IGSF10: variants seen among roughly 807,000 people sequenced by gnomAD.
IGSF10 encodes the protein calvaria mechanical force protein 608.
A neutral mutation model predicts 128.2 loss-of-function variants in IGSF10; 126 were observed. The observed-to-expected ratio is 0.98, with a 90% CI of 0.85 to 1.14. The LOEUF (loss-of-function observed/expected upper bound fraction) is 1.14. Among genes scored for constraint, IGSF10 ranks in the 50% most tolerant of loss-of-function variants. The pLI is 0.00. For synonymous variants in IGSF10, 1,185 were observed against 1,146.2 expected (o/e 1.03, Z -0.68); for missense variants, 3,295 against 3,149.8 (o/e 1.05, Z -1.10).
the IGSF10 span, among the ~76,000 whole-genome samples, chr3:151,546,154 A>G: frequency 1.3e-5 from 2 of 151,874 alleles, no homozygotes; most frequent in African/African-American, 4.8e-5. Flanking sequence ...AAACAGATCT[A>G]TGACCAGGTC....
chr3:151,480,810 C>T, the IGSF10 span, among the ~76,000 whole-genome samples: 1 of 152,052 alleles, frequency 6.6e-6, no homozygotes, highest in Non-Finnish European at 1.5e-5. Flanking sequence ...ATACCCCACC[C>T]CTGCAGACCC....
rs201261892 is a variant in IGSF10 at position 151,438,583 on chromosome 3, A to T, written c.5978T>A (p.Ile1993Asn). ...VDQQHRVGSW[I>N]HVYPNGSLFI... Reference sequence around the variant, plus strand: ...CAGGGATCCATTAGGGTAGACGTGGATCCAGCTGCCCACTCTAAGGAGAAA... The same window carrying T: ...CAGGGATCCATTAGGGTAGACGTGGTTCCAGCTGCCCACTCTAAGGAGAAA... Residue 1993 changes from isoleucine (I) to asparagine (N), a missense_variant, in exon 8 of 8, where the codon ATC becomes AAC. Ile to Asn is a moderately radical substitution (Grantham distance 149). Transcript: ENST00000282466. The T allele has an allele frequency of 9.9e-6, 16 of 1,612,962 alleles. No individual in the cohort carries two copies. Among genetic ancestry groups the T allele is most frequent in the Non-Finnish European group, 1.4e-5 (16 of 1,179,538 alleles).
the IGSF10 span, among the ~76,000 whole-genome samples, chr3:151,493,006 G>T: frequency 2.6e-5 from 4 of 151,998 alleles, no homozygotes; most frequent in Non-Finnish European, 5.9e-5. Flanking sequence ...AAGTGATCCT[G>T]CCACTTGCCA....
the IGSF10 span, among the ~76,000 whole-genome samples, chr3:151,564,353 C>T: frequency 2.0e-5 from 3 of 151,976 alleles, no homozygotes; most frequent in Non-Finnish European, 4.4e-5. Flanking sequence ...CAATTGGCAG[C>T]TTTGGATCAA....
upstream of IGSF10, among the ~76,000 whole-genome samples, chr3:151,464,411 A>C (rs1177712805): frequency 1.3e-5 from 2 of 152,024 alleles, no homozygotes; most frequent in Non-Finnish European, 2.9e-5. Flanking sequence ...TAGGTCTTTG[A>C]CATTATTTGC....
chr3:151,586,646 T>G, the IGSF10 span, among the ~76,000 whole-genome samples: 2 of 152,230 alleles, frequency 1.3e-5, no homozygotes, highest in East Asian at 3.8e-4. Context: ...AATTGTCATT[T>G]CTGCATATGA....
At chr3:151,508,839 G>A in the IGSF10 span, among the ~76,000 whole-genome samples, 235 of 152,242 alleles carry the variant, frequency 1.5e-3, 4 homozygotes, top group Non-Finnish European at 2.8e-4. Context: ...ATATTTTAAT[G>A]AACGTTATTA....
In IGSF10 at chr3:151,448,138, G is replaced by T; in HGVS notation, c.1843C>A (p.Leu615Ile). The change falls in exon 6 of 8, where the codon CTC (leucine) becomes ATC (isoleucine). Residue 615 changes from leucine to isoleucine, a missense_variant. Coordinates refer to ENST00000282466, the MANE Select transcript of IGSF10 (RefSeq NM_178822.5). ...ISWVIPGNNV[L>I]YQSSRDKKVL... ...TTCTTGTCTCTTGATGACTGATAGA[G>T]CACATTGTTTCCTGGAATAACCCAG... The T allele has an allele frequency of 6.2e-7, 1 of 1,614,142 alleles. No homozygotes were observed. Among genetic ancestry groups the T allele is most frequent in the Non-Finnish European group, 8.5e-7 (1 of 1,179,986 alleles).
the IGSF10 span, among the ~76,000 whole-genome samples, chr3:151,510,425 A>T: frequency 1.3e-5 from 2 of 152,174 alleles, no homozygotes; most frequent in African/African-American, 2.4e-5. Context: ...TAGAAGGAAA[A>T]CTAACAAACA....
chr3:151,616,862 T>C, the IGSF10 span, among the ~76,000 whole-genome samples: 4 of 152,174 alleles, frequency 2.6e-5, no homozygotes, highest in African/African-American at 7.2e-5. Context: ...TTTTTTACAA[T>C]TCTGGAGACT....
chr3:151,521,172 C>T, the IGSF10 span, among the ~76,000 whole-genome samples: 3 of 151,468 alleles, frequency 2.0e-5, no homozygotes, highest in Non-Finnish European at 4.4e-5. Context: ...TTCAAGAAAA[C>T]CTAACTATCC....
chr3:151,449,976 C>A (rs1721433936), intron 5 of IGSF10, among the ~76,000 whole-genome samples: 1 of 152,068 alleles, frequency 6.6e-6, no homozygotes, highest in South Asian at 2.1e-4. Context: ...TTGATGGTTC[C>A]CTTGGATGAG....
the IGSF10 span, among the ~76,000 whole-genome samples, chr3:151,572,198 C>G: frequency 6.6e-6 from 1 of 152,170 alleles, no homozygotes; most frequent in African/African-American, 2.4e-5. Flanking sequence ...TGTTGTGCCT[C>G]TGCCAGGTTT....
chr3:151,534,187 C>T, the IGSF10 span, among the ~76,000 whole-genome samples: 9 of 152,146 alleles, frequency 5.9e-5, no homozygotes, highest in African/African-American at 1.9e-4. Context: ...GAAATAGAAA[C>T]ACTTTTACAC....
the IGSF10 span, among the ~76,000 whole-genome samples, chr3:151,576,001 C>T: frequency 6.6e-6 from 1 of 152,030 alleles, no homozygotes; most frequent in Admixed American, 6.6e-5. Flanking sequence ...TTTATATGAT[C>T]TAATTTATTG....
chr3:151,518,314 C>T, the IGSF10 span, among the ~76,000 whole-genome samples: 15 of 152,106 alleles, frequency 9.9e-5, no homozygotes, highest in East Asian at 1.5e-3. Context: ...TCCTCACTTT[C>T]GTTTTTCTGT....
chr3:151,512,664 A>G, the IGSF10 span, among the ~76,000 whole-genome samples: 18 of 152,184 alleles, frequency 1.2e-4, no homozygotes, highest in Non-Finnish European at 1.9e-4. Context: ...AAAAAAATCA[A>G]TGAATCCAGG....
At chr3:151,478,311 T>C in the IGSF10 span, among the ~76,000 whole-genome samples, 1 of 152,212 alleles carries the variant, frequency 6.6e-6, no homozygotes, top group African/African-American at 2.4e-5. Flanking sequence ...CTGGCATTTA[T>C]TGTCATATTA....
At chr3:151,583,840 T>C in the IGSF10 span, among the ~76,000 whole-genome samples, 1 of 152,222 alleles carries the variant, frequency 6.6e-6, no homozygotes, top group Admixed American at 6.5e-5. Flanking sequence ...ATTTGAATCA[T>C]TGGAGTCCTT....
Sources: gnomAD v4.1 joint callset for allele counts (sites outside exome capture counted in the v4.1 genomes callset) on GRCh38, gnomAD v4.1.1 for gene constraint, MANE v1.5 for transcripts, NCBI Gene and HGNC (gene_info 2026-07-23, HGNC 2026-07-21) for gene names.